The following RARB variants were observed in gnomAD, a reference collection of about 807,000 sequenced individuals.
RARB encodes HBV-activated protein.
Under a neutral mutation model 51.9 loss-of-function variants are expected in RARB, and 17 were observed. The observed-to-expected ratio is 0.33, with a 90% CI of 0.22 to 0.49. RARB has a LOEUF of 0.49. Ranked by LOEUF, RARB falls within the 20% of genes least tolerant of loss-of-function variation. The probability of loss-of-function intolerance (pLI) is 0.99; values close to 1 mark genes in which losing one functional copy is unlikely to be tolerated. For missense variants in RARB, 369 were observed against 550.8 expected, an observed-to-expected ratio of 0.67 and a Z score of 3.30; for synonymous variants, 215 against 195.4, an observed-to-expected ratio of 1.10 and a Z score of -0.84.
chr3:25,038,187 C>T (rs74539999), intron 2 of RARB, among the ~76,000 whole-genome samples: 23,075 of 152,154 alleles, frequency 0.15, 1,863 homozygotes, highest in South Asian at 0.3. Context: ...GCCTCAGTTT[C>T]CCCATTTTTG....
intron 5 of RARB, among the ~76,000 whole-genome samples, chr3:25,382,819 C>T (rs904054394): frequency 1.8e-4 from 28 of 152,094 alleles, no homozygotes; most frequent in Non-Finnish European, 3.1e-4. Context: ...GATCATGCCA[C>T]GGCACTCCAG....
intron 2 of RARB, among the ~76,000 whole-genome samples, chr3:24,965,183 T>A (rs746529077): frequency 6.6e-6 from 1 of 152,210 alleles, no homozygotes; most frequent in Non-Finnish European, 1.5e-5. Context: ...GGAGTTCTTA[T>A]ATTTTCCCAC....
intron 2 of RARB, among the ~76,000 whole-genome samples, chr3:24,896,489 G>T (rs887821068): frequency 6.6e-5 from 10 of 152,038 alleles, no homozygotes; most frequent in African/African-American, 2.4e-4. Context: ...TCGATCTCCT[G>T]ACCTCCTGAT....
At chr3:25,011,080 A>G (rs1697384795) in intron 2 of RARB, among the ~76,000 whole-genome samples, 1 of 152,164 alleles carries the variant, frequency 6.6e-6, no homozygotes, top group African/African-American at 2.4e-5. Context: ...TGATTTCTTC[A>G]TTCAACAATT....
chr3:24,973,363 A>G (rs559003833), intron 2 of RARB, among the ~76,000 whole-genome samples: 1 of 152,200 alleles, frequency 6.6e-6, no homozygotes, highest in Admixed American at 6.6e-5. Context: ...TATTTTGGTT[A>G]GTATAGCTTT....
At chr3:25,142,904 T>C (rs1044124111) in intron 4 of RARB, among the ~76,000 whole-genome samples, 2 of 152,146 alleles carry the variant, frequency 1.3e-5, no homozygotes, top group Non-Finnish European at 2.9e-5. Context: ...TCTGATCCTC[T>C]GCTGGATGGC....
intron 2 of RARB, among the ~76,000 whole-genome samples, chr3:24,860,656 C>T (rs1216337696): frequency 6.6e-6 from 1 of 152,146 alleles, no homozygotes; most frequent in South Asian, 2.1e-4. Context: ...GAGAGCATTG[C>T]ATGCAGTCTT....
At chr3:24,965,532 A>G (rs1271578779) in intron 2 of RARB, among the ~76,000 whole-genome samples, 1 of 152,142 alleles carries the variant, frequency 6.6e-6, no homozygotes, top group Non-Finnish European at 1.5e-5. Flanking sequence ...CATGAGGCAC[A>G]TGGGCTCCGG....
At chr3:24,873,868 G>A (rs1028810630) in intron 2 of RARB, among the ~76,000 whole-genome samples, 21 of 151,912 alleles carry the variant, frequency 1.4e-4, no homozygotes, top group African/African-American at 4.6e-4. Context: ...TTTTATTGAT[G>A]TTTAAATTGT....
chr3:25,116,688 T>C (rs1006986688), intron 3 of RARB, among the ~76,000 whole-genome samples: 1 of 152,006 alleles, frequency 6.6e-6, no homozygotes, highest in Admixed American at 6.6e-5. Flanking sequence ...AAGTAAATGG[T>C]ATCTTTGAAT....
intron 5 of RARB, among the ~76,000 whole-genome samples, chr3:25,332,475 G>A (rs1335675330): frequency 2.0e-5 from 3 of 152,100 alleles, no homozygotes; most frequent in East Asian, 1.9e-4. Context: ...GAATTCAACA[G>A]CCCTTCATGC....
chr3:24,941,889 C>A (rs1052823483), intron 2 of RARB, among the ~76,000 whole-genome samples: 3 of 152,218 alleles, frequency 2.0e-5, no homozygotes. Context: ...TAAACTTAAT[C>A]TTCTGAATTT....
At chr3:24,979,945 C>T (rs1379885105) in intron 2 of RARB, among the ~76,000 whole-genome samples, 1 of 152,114 alleles carries the variant, frequency 6.6e-6, no homozygotes, top group Non-Finnish European at 1.5e-5. Flanking sequence ...CCTTCAGGAG[C>T]TCTTGTAAGG....
chr3:25,344,569 A>G (rs1705329497), intron 5 of RARB, among the ~76,000 whole-genome samples: 1 of 152,234 alleles, frequency 6.6e-6, no homozygotes, highest in Admixed American at 6.5e-5. Flanking sequence ...TTTAAAGCAC[A>G]AAAAGACAAA....
chr3:25,126,635 G>C (rs1481718448), intron 3 of RARB, among the ~76,000 whole-genome samples: 3 of 152,222 alleles, frequency 2.0e-5, no homozygotes, highest in Non-Finnish European at 1.5e-5. Flanking sequence ...TTCCAGCCAG[G>C]TGATGCAGTG....
intron 3 of RARB, among the ~76,000 whole-genome samples, chr3:25,100,941 C>G (rs866479913): frequency 6.6e-6 from 1 of 152,128 alleles, no homozygotes; most frequent in Admixed American, 6.6e-5. Context: ...GCCCTACACT[C>G]GGAGCTGAGG....
intron 5 of RARB, among the ~76,000 whole-genome samples, chr3:25,190,990 A>G (rs1701090018): frequency 6.6e-6 from 1 of 152,156 alleles, no homozygotes; most frequent in African/African-American, 2.4e-5. Flanking sequence ...CTCGCCCATC[A>G]TCTAACTCTT....
At chr3:24,993,315 T>TC (rs1202008018) in intron 2 of RARB, among the ~76,000 whole-genome samples, 2 of 152,178 alleles carry the variant, frequency 1.3e-5, no homozygotes, top group Admixed American at 6.5e-5. Flanking sequence ...TTTTAATTTT[T>TC]CTAAACAAAT....
intron 5 of RARB, among the ~76,000 whole-genome samples, chr3:25,255,362 C>T (rs570910093): frequency 1.3e-5 from 2 of 152,246 alleles, no homozygotes; most frequent in South Asian, 2.1e-4. Flanking sequence ...TTCCCTCATA[C>T]CTTGAACATC....
Sources: gnomAD v4.1 joint callset for allele counts (sites outside exome capture counted in the v4.1 genomes callset) on GRCh38, gnomAD v4.1.1 for gene constraint, MANE v1.5 for transcripts, NCBI Gene and HGNC (gene_info 2026-07-23, HGNC 2026-07-21) for gene names.